Variants in DTNA observed in about 807,000 individuals in gnomAD.
The protein encoded by DTNA is dystrobrevin alpha.
Under a neutral mutation model 100.7 loss-of-function variants are expected in DTNA, and 43 were observed. The ratio of observed to expected loss-of-function variants is 0.43; its 90% CI spans 0.33 to 0.55. DTNA has a LOEUF of 0.55. DTNA is among the 20% of genes least tolerant of loss of function. The pLI, the probability that DTNA is intolerant of heterozygous loss-of-function variation, is 0.04. For missense variants in DTNA, 798 were observed against 953.9 expected, an observed-to-expected ratio of 0.84 and a Z score of 2.15; for synonymous variants, 349 against 347.9, an observed-to-expected ratio of 1.00 and a Z score of -0.04.
In DTNA at chr18:34,578,462, C is replaced by G. The variant is rs143306031; in HGVS notation, c.-2+84948C>G. Among the ~76,000 whole-genome samples, 284 of 151,918 alleles carry G rather than the reference C, an allele frequency of 1.9e-3. 1 individual carries two copies. Among genetic ancestry groups the G allele is most frequent in the African/African-American group, 6.3e-3 (261 of 41,384 alleles). On this transcript the variant is annotated intron_variant, in intron 1 of 19. Transcript: ENST00000283365. ...CTGTTCCTTTTGCCATGCAAAAGCT[C>G]TTTAGTTTAATTAAGTCCCACCTAC...
intron 1 of DTNA, among the ~76,000 whole-genome samples, chr18:34,746,183 T>C (rs2091545726): frequency 6.7e-6 from 1 of 149,342 alleles, no homozygotes; most frequent in Non-Finnish European, 1.5e-5. Context: ...GTCTTCTAAT[T>C]TGGGGGGGGG....
At chr18:34,763,477 G>A (rs2093306470) in intron 2 of DTNA, among the ~76,000 whole-genome samples, 1 of 152,006 alleles carries the variant, frequency 6.6e-6, no homozygotes, top group Non-Finnish European at 1.5e-5. Context: ...TCCAAAATAG[G>A]CATTTAAATA....
At chr18:34,830,569 C>T (rs1022506110) in intron 11 of DTNA, among the ~76,000 whole-genome samples, 1 of 152,194 alleles carries the variant, frequency 6.6e-6, no homozygotes, top group East Asian at 1.9e-4. Context: ...CCTGTTCTTA[C>T]ATCTTTTCTA....
At chr18:34,567,296 T>C (rs1216063940) in intron 1 of DTNA, among the ~76,000 whole-genome samples, 1 of 152,220 alleles carries the variant, frequency 6.6e-6, no homozygotes, top group Non-Finnish European at 1.5e-5. Context: ...ATGGTAAGTA[T>C]GTTTATTTTA....
At chr18:34,576,931 G>A (rs1010475637) in intron 1 of DTNA, among the ~76,000 whole-genome samples, 1 of 152,100 alleles carries the variant, frequency 6.6e-6, no homozygotes, top group Non-Finnish European at 1.5e-5. Flanking sequence ...TTTTGTATCA[G>A]ACTTCTAGGC....
intron 1 of DTNA, among the ~76,000 whole-genome samples, chr18:34,678,689 G>A (rs528385117): frequency 6.6e-6 from 1 of 152,250 alleles, no homozygotes; most frequent in East Asian, 1.9e-4. Flanking sequence ...GAGGGGAGAT[G>A]ATGAGTGGAG....
At chr18:34,790,907 T>C (rs1243927714) in intron 3 of DTNA, among the ~76,000 whole-genome samples, 1 of 152,130 alleles carries the variant, frequency 6.6e-6, no homozygotes, top group African/African-American at 2.4e-5. Flanking sequence ...ATACAGTCCA[T>C]AGGACTAGGT....
At chr18:34,662,934 T>G (rs1382495912) in intron 1 of DTNA, 2 of 152,172 alleles carry the variant, frequency 1.3e-5, no homozygotes, top group African/African-American at 4.8e-5. Context: ...ATCATATTAT[T>G]TGCCTTTTTC....
At position 34,866,085 on chromosome 18, in the gene DTNA, CTG is replaced by C. The variant is rs746182142; in HGVS notation, c.1743+2025_1743+2026del. ...CTTATTGGAACCCTGGGTAATCTAA[CTG>C]TTATTGATTCAATCTTTCTGTAGGA... On this transcript the variant is annotated intron_variant, in intron 17 of 22. Coordinates refer to ENST00000444659, the MANE Select transcript of DTNA (RefSeq NM_001386795.1). The C allele has an allele frequency of 6.8e-6, 11 of 1,612,806 alleles. No individual in the cohort carries two copies. In the East Asian group the frequency reaches 1.8e-4, roughly 26 times the overall value.
chr18:34,883,688 T>A (rs2096895419), intron 21 of DTNA, among the ~76,000 whole-genome samples: 4 of 152,174 alleles, frequency 2.6e-5, no homozygotes, highest in Admixed American at 2.6e-4. Flanking sequence ...GAAGAAATTA[T>A]CTCCTATTTC....
intron 1 of DTNA, among the ~76,000 whole-genome samples, chr18:34,691,981 T>C (rs529168913): frequency 6.6e-6 from 1 of 152,332 alleles, no homozygotes; most frequent in East Asian, 1.9e-4. Context: ...CAGCACCTAA[T>C]GTAGACAACA....
chr18:34,797,988 C>G (rs57225217), intron 4 of DTNA, among the ~76,000 whole-genome samples: 15,503 of 129,954 alleles, frequency 0.12, 1,029 homozygotes, highest in Non-Finnish European at 0.18. Context: ...GAGCTCTTGT[C>G]GTACTAATTT....
intron 14 of DTNA, 84 bp downstream of exon 14, chr18:34,848,467 G>C (rs1295924526): frequency 3.6e-6 from 5 of 1,372,728 alleles, no homozygotes; most frequent in Non-Finnish European, 3.1e-6. Flanking sequence ...TATTATAGCT[G>C]GTGCTGATTA....
At chr18:34,649,696 T>A (rs1417989504) in intron 1 of DTNA, among the ~76,000 whole-genome samples, 1 of 152,218 alleles carries the variant, frequency 6.6e-6, no homozygotes, top group African/African-American at 2.4e-5. Context: ...TTTCATTTCA[T>A]GTCTATTGGG....
chr18:34,869,217 C>T (rs954938084), intron 17 of DTNA, among the ~76,000 whole-genome samples: 5 of 152,030 alleles, frequency 3.3e-5, no homozygotes, highest in Admixed American at 1.3e-4. Context: ...AAATCTTATA[C>T]GTCAGCTATA....
At chr18:34,803,614 T>C (rs1365172622) in intron 4 of DTNA, among the ~76,000 whole-genome samples, 1 of 152,202 alleles carries the variant, frequency 6.6e-6, no homozygotes, top group African/African-American at 2.4e-5. Context: ...ATTATTGCTA[T>C]GTGATTGCTA....
At chr18:34,634,992 C>T (rs1020070303) in intron 1 of DTNA, among the ~76,000 whole-genome samples, 11 of 152,198 alleles carry the variant, frequency 7.2e-5, no homozygotes, top group Admixed American at 2.0e-4. Flanking sequence ...ATTTATTCCT[C>T]CTAACTGAAA....
intron 1 of DTNA, among the ~76,000 whole-genome samples, chr18:34,661,681 C>T (rs140919022): frequency 6.6e-6 from 1 of 152,230 alleles, no homozygotes; most frequent in African/African-American, 2.4e-5. Context: ...ATTTTCACCA[C>T]TAGAGGGAGA....
intron 4 of DTNA, 73 bp downstream of exon 4, chr18:34,794,323 CCAAA>C (rs2094876400): frequency 6.4e-7 from 1 of 1,555,612 alleles, no homozygotes; most frequent in Non-Finnish European, 8.9e-7. Context: ...GGTCTTTTTC[CCAAA>C]CAATTTTATA....
Sources: allele counts gnomAD v4.1 joint callset (sites outside exome capture counted in the v4.1 genomes callset), GRCh38; gene constraint gnomAD v4.1.1; transcripts MANE v1.5; gene names NCBI Gene and HGNC (gene_info 2026-07-23, HGNC 2026-07-21).